Variants in NAV3 observed in about 807,000 individuals in gnomAD.
The protein encoded by NAV3 is neuron navigator 3, also known as pore membrane and/or filament interacting like protein 1.
Under a neutral mutation model 244.7 loss-of-function variants are expected in NAV3, and 87 were observed. The ratio of observed to expected loss-of-function variants is 0.36; its 90% CI spans 0.30 to 0.42. The LOEUF (loss-of-function observed/expected upper bound fraction) is 0.42, where lower values mean the gene tolerates loss of function less well. NAV3 is among the 20% of genes least tolerant of loss of function. The pLI is 1.00. For synonymous variants in NAV3, 1,126 were observed against 1,042.2 expected (o/e 1.08, Z -1.55); for missense variants, 2,663 against 2,893.3 (o/e 0.92, Z 1.83).
At chr12:78,183,721 T>A (rs1196659695) in intron 30 of NAV3, among the ~76,000 whole-genome samples, 1 of 151,956 alleles carries the variant, frequency 6.6e-6, no homozygotes, top group Non-Finnish European at 1.5e-5. Context: ...TGGCATGAAA[T>A]GAATAACATA....
chr12:78,115,600 A>G (rs1455158016), intron 12 of NAV3, among the ~76,000 whole-genome samples: 2 of 152,210 alleles, frequency 1.3e-5, no homozygotes, highest in African/African-American at 4.8e-5. Flanking sequence ...GTGCCACAGA[A>G]TGACACTTCA....
intron 23 of NAV3, among the ~76,000 whole-genome samples, chr12:78,164,322 A>G (rs888998291): frequency 6.6e-6 from 1 of 152,070 alleles, no homozygotes; most frequent in Non-Finnish European, 1.5e-5. Flanking sequence ...ATTGACTCCT[A>G]TGCTAACCAT....
At chr12:77,667,419 G>A (rs1162280982) in intron 2 of NAV3, among the ~76,000 whole-genome samples, 1 of 152,138 alleles carries the variant, frequency 6.6e-6, no homozygotes, top group African/African-American at 2.4e-5. Flanking sequence ...CATGGCGGGA[G>A]TAAGACCAGC....
In NAV3 at chr12:78,088,092, A is replaced by G. The variant is rs189806329; in HGVS notation, c.2637-28680A>G. 2.6e-3 allele frequency among the ~76,000 whole-genome samples: 388 copies of G among 151,192 alleles called. 4 individuals carry two copies. Among genetic ancestry groups the G allele is most frequent in the African/African-American group, 9.0e-3 (371 of 41,334 alleles). On this transcript the variant is annotated intron_variant, in intron 12 of 39. Coordinates refer to ENST00000397909, the MANE Select transcript of NAV3 (RefSeq NM_001024383.2). The stretch of plus-strand genomic sequence containing the variant: ...TCATATATATTATGAATGACCTCAT[A>G]TAACTTATGAGGGTCATTCAATTTT...
intron 18 of NAV3, among the ~76,000 whole-genome samples, 183 bp downstream of exon 18, chr12:78,129,049 A>G (rs969147830): frequency 2.0e-5 from 3 of 152,118 alleles, no homozygotes; most frequent in Non-Finnish European, 2.9e-5. Context: ...ACATTATGCT[A>G]TTTATTGCTC....
At chr12:77,956,146 C>G (rs961425729) in intron 3 of NAV3, among the ~76,000 whole-genome samples, 2 of 152,104 alleles carry the variant, frequency 1.3e-5, no homozygotes, top group Non-Finnish European at 2.9e-5. Context: ...TAGTTAAAAT[C>G]TTAGGATAAA....
In NAV3 at chr12:77,722,655, T is replaced by C. The variant is rs939479837; in HGVS notation, c.72+150389T>C. On this transcript the variant is annotated intron_variant, in intron 2 of 8. Coordinates refer to the NAV3 transcript ENST00000550042. ...GTTATTATATGGGTTGTTAAGTTCTTTGGAGTCTTTTGAAGAGTGTCCAGG... is the reference window on the plus strand; with the variant it reads ...GTTATTATATGGGTTGTTAAGTTCTCTGGAGTCTTTTGAAGAGTGTCCAGG... Among the ~76,000 whole-genome samples, 2 of 152,204 alleles carry C rather than the reference T, an allele frequency of 1.3e-5. 1 individual carries two copies. The highest frequency in any genetic ancestry group is 4.1e-4 in the South Asian group (2 of 4,824).
At chr12:77,900,163 G>A (rs1356045863) in intron 1 of NAV3, among the ~76,000 whole-genome samples, 11 of 147,880 alleles carry the variant, frequency 7.4e-5, no homozygotes, top group Admixed American at 2.8e-4. Flanking sequence ...TGCAACCTCC[G>A]CCTTCTGGGT....
chr12:77,675,480 T>G (rs1392412957), intron 2 of NAV3, among the ~76,000 whole-genome samples: 1 of 152,224 alleles, frequency 6.6e-6, no homozygotes, highest in Non-Finnish European at 1.5e-5. Context: ...TAAAGCCTAC[T>G]GATTATGGAT....
intron 2 of NAV3, among the ~76,000 whole-genome samples, chr12:77,708,749 G>A (rs553318927): frequency 1.1e-3 from 162 of 152,260 alleles, no homozygotes; most frequent in African/African-American, 3.8e-3. Context: ...GCAGTGGTTT[G>A]TAGTTCTCCT....
chr12:78,123,590 G>T (rs1404201399), intron 16 of NAV3, among the ~76,000 whole-genome samples: 1 of 151,968 alleles, frequency 6.6e-6, no homozygotes, highest in Non-Finnish European at 1.5e-5. Context: ...CTTCCTACTT[G>T]CCTAACAATG....
intron 5 of NAV3, among the ~76,000 whole-genome samples, chr12:77,969,358 G>A (rs575981011): frequency 5.9e-5 from 9 of 152,158 alleles, no homozygotes; most frequent in African/African-American, 1.2e-4. Flanking sequence ...GAGGAGTCAA[G>A]CAAGTAAATG....
chr12:77,603,862 G>A (rs1014244337), intron 2 of NAV3, among the ~76,000 whole-genome samples: 3 of 152,078 alleles, frequency 2.0e-5, no homozygotes, highest in African/African-American at 4.8e-5. Context: ...GTTATAGGAG[G>A]GAGATATGTA....
chr12:78,060,519 T>A (rs561878569), intron 12 of NAV3, among the ~76,000 whole-genome samples: 73 of 152,246 alleles, frequency 4.8e-4, no homozygotes, highest in Non-Finnish European at 9.1e-4. Flanking sequence ...TGTAAGTCCA[T>A]GAGTGCAGAA....
chr12:78,143,448 T>C, intron 20 of NAV3: 1 of 406,858 alleles, frequency 2.5e-6, no homozygotes. Flanking sequence ...CTGGCCAACA[T>C]GGCAAAACCC....
chr12:78,050,634 G>C, intron 10 of NAV3, 130 bp from the exon 11 acceptor site: 1 of 953,832 alleles, frequency 1.0e-6, no homozygotes. Flanking sequence ...TGAATATAGA[G>C]TTTAGCTTTC....
At chr12:78,169,382 G>T (rs1368716142) in intron 24 of NAV3, among the ~76,000 whole-genome samples, 1 of 151,712 alleles carries the variant, frequency 6.6e-6, no homozygotes, top group African/African-American at 2.4e-5. Context: ...GTGAAAGGTA[G>T]CTCTGTTTTA....
chr12:77,853,917 C>T (rs1449599838), intron 1 of NAV3, among the ~76,000 whole-genome samples: 1 of 152,110 alleles, frequency 6.6e-6, no homozygotes. Context: ...TTATATGAAT[C>T]CTATGACTTC....
intron 2 of NAV3, among the ~76,000 whole-genome samples, chr12:77,682,792 T>C (rs536941484): frequency 3.0e-4 from 45 of 152,310 alleles, no homozygotes; most frequent in Non-Finnish European, 5.1e-4. Flanking sequence ...TGTTGGCCAT[T>C]TGTATGTCTT....
Sources: allele counts gnomAD v4.1 joint callset (sites outside exome capture counted in the v4.1 genomes callset), GRCh38; gene constraint gnomAD v4.1.1; transcripts MANE v1.5; gene names NCBI Gene and HGNC (gene_info 2026-07-23, HGNC 2026-07-21).